The following MYH11 variants were observed in gnomAD, a reference collection of about 807,000 sequenced individuals.
MYH11 encodes myosin-11.
A neutral mutation model predicts 246.6 loss-of-function variants in MYH11; 80 were observed. The observed-to-expected ratio is 0.32, with a 90% confidence interval of 0.27 to 0.39. The LOEUF is 0.39. Among genes scored for constraint, MYH11 ranks in the 10% least tolerant of loss-of-function variants. The pLI is 1.00. For synonymous variants in MYH11, 1,071 were observed against 1,015.5 expected (o/e 1.05, Z -1.04); for missense variants, 2,158 against 2,546.8 (o/e 0.85, Z 3.29).
intron 28 of MYH11, chr16:15,726,292 A>G (rs796280897): frequency 1.9e-5 from 3 of 156,592 alleles, no homozygotes; most frequent in African/African-American, 7.2e-5. Flanking sequence ...GTTGGATCTC[A>G]GGATTAAGCA....
intron 40 of MYH11, among the ~76,000 whole-genome samples, chr16:15,704,822 AT>A (rs1477384727): frequency 2.6e-5 from 4 of 152,216 alleles, no homozygotes; most frequent in Admixed American, 1.3e-4. Context: ...AGAAAAGGAA[AT>A]TATACGTGTT....
At chr16:15,820,131 C>A (rs1226861850) in intron 3 of MYH11, among the ~76,000 whole-genome samples, 1 of 152,094 alleles carries the variant, frequency 6.6e-6, no homozygotes, top group Non-Finnish European at 1.5e-5. Context: ...TCACCTGAGG[C>A]CAGGAGTTCA....
In MYH11 at chr16:15,747,580, A is replaced by G. The variant is rs1596772772; in HGVS notation, c.2401T>C (p.Leu801=). 12 of 1,614,136 alleles carry G rather than the reference A, an allele frequency of 7.4e-6. No homozygotes were observed. Among genetic ancestry groups the G allele is most frequent in the African/African-American group, 2.7e-5 (2 of 75,026 alleles). The part of the protein sequence containing the change: ...MAFQAMCRGY[L]ARKAFAKRQQ... ...GGAAAGCATCTTTACTTTCTGGCCA[A>G]GTAGCCACGACACATCGCCTGGAAG... Residue 801 remains leucine (L), a synonymous_variant, in exon 19 of 41, where the codon TTG becomes CTG. Coordinates refer to ENST00000300036, the MANE Select transcript of MYH11 (RefSeq NM_002474.3).
chr16:15,714,806 G>T, intron 40 of MYH11, 103 bp downstream of exon 40: 1 of 1,386,382 alleles, frequency 7.2e-7, no homozygotes, highest in Non-Finnish European at 1.0e-6. Context: ...AGGGAGTGGC[G>T]GCTGTGGGCA....
At position 15,737,470 on chromosome 16, in the gene MYH11, T is replaced by A. The variant is rs1375253334; in HGVS notation, c.3272A>T (p.Glu1091Val). The A allele has an allele frequency of 1.2e-6, 2 of 1,613,266 alleles. No homozygotes were observed. The highest frequency in any genetic ancestry group is 2.2e-5 in the East Asian group (1 of 44,876). ...LKMQLAKKEE[E>V]LQAALARLDD... ...CTACCTGGCCAGGGCCGCCTGCAGC[T>A]CCTCCTCCTTCTTGGCCAGCTGCAT... The change falls in exon 25 of 41, where the codon GAG becomes GTG. Residue 1091 changes from glutamate (E) to valine (V), a missense_variant. This residue lies in a region of MYH11 where 284 missense variants were observed against 315.4 expected (regional missense o/e 0.90). Transcript: ENST00000300036.
chr16:15,724,542 T>C, intron 30 of MYH11, 105 bp downstream of exon 30: 1 of 1,605,620 alleles, frequency 6.2e-7, no homozygotes, highest in Non-Finnish European at 8.5e-7. Context: ...AGCTGGGGGG[T>C]CAAGCACCAT....
intron 3 of MYH11, among the ~76,000 whole-genome samples, chr16:15,813,487 G>T (rs1048097002): frequency 6.7e-6 from 1 of 149,892 alleles, no homozygotes; most frequent in African/African-American, 2.5e-5. Context: ...CCACCTTGTA[G>T]GTTTGTGGTA....
intron 31 of MYH11, 124 bp from the exon 32 acceptor site, chr16:15,721,758 G>T: frequency 1.0e-6 from 1 of 957,734 alleles, no homozygotes; most frequent in Non-Finnish European, 1.6e-6. Flanking sequence ...AGCAGTGTAG[G>T]TTAGCTATGG....
At chr16:15,838,399 T>C (rs374007739) in intron 1 of MYH11, 130 bp from the exon 2 acceptor site, 2 of 742,936 alleles carry the variant, frequency 2.7e-6, no homozygotes, top group Admixed American at 4.1e-5. Flanking sequence ...ACCTGCAGTA[T>C]TGTGTATGTG....
Position 15,740,161 on chromosome 16 carries a change from C to T in MYH11, c.2887G>A (p.Glu963Lys). 6.2e-7 allele frequency: 1 copy of T among 1,614,180 alleles called. No individual in the cohort carries two copies. Among genetic ancestry groups the T allele is most frequent in the Non-Finnish European group, 8.5e-7 (1 of 1,180,026 alleles). Residue 963 changes from glutamate (E) to lysine (K), a missense_variant, in exon 23 of 41, where the codon GAA becomes AAA. Around this residue, in one of 11 missense-constraint regions of MYH11, gnomAD observed 284 missense variants for 315.4 expected, o/e 0.90. Transcript: ENST00000300036. ...AGTTGCAGCTTCTGCCTGGCAGCTT[C>T]CTCCTCCTCCAGCTGTTCTTCAAGG... ...LDLEEQLEEEEAARQKLQLEK... is the reference protein window; with the variant it reads ...LDLEEQLEEEKAARQKLQLEK...
chr16:15,764,119 A>G (rs2041929730), intron 9 of MYH11, among the ~76,000 whole-genome samples: 2 of 152,216 alleles, frequency 1.3e-5, no homozygotes, highest in African/African-American at 2.4e-5. Flanking sequence ...AATCTGGCCC[A>G]CTGCTTGCTA....
intron 9 of MYH11, among the ~76,000 whole-genome samples, chr16:15,765,874 TAA>T (rs1018766454): frequency 1.1e-4 from 16 of 152,194 alleles, no homozygotes; most frequent in Admixed American, 5.2e-4. Context: ...CTCACAGTTT[TAA>T]AAGTGTCAAT....
At chr16:15,820,830 T>A (rs1184659468) in intron 3 of MYH11, among the ~76,000 whole-genome samples, 3 of 152,204 alleles carry the variant, frequency 2.0e-5, no homozygotes, top group Admixed American at 2.0e-4. Context: ...TCTTATTACA[T>A]GTAAGCTGAA....
chr16:15,726,240 G>A (rs2040750448), intron 28 of MYH11: 2 of 154,464 alleles, frequency 1.3e-5, no homozygotes, highest in African/African-American at 4.8e-5. Context: ...TTACTCGGCT[G>A]GAGTCCTACT....
chr16:15,751,994 G>A (rs187176167), intron 15 of MYH11, among the ~76,000 whole-genome samples: 12 of 151,926 alleles, frequency 7.9e-5, no homozygotes, highest in East Asian at 1.9e-4. Flanking sequence ...GTTTCGCCAC[G>A]TTGGCCAGAC....
At chr16:15,797,959 C>T (rs1046410191) in intron 4 of MYH11, among the ~76,000 whole-genome samples, 1 of 152,134 alleles carries the variant, frequency 6.6e-6, no homozygotes, top group Non-Finnish European at 1.5e-5. Context: ...ATGTCCCCAG[C>T]ATAGTGCTCA....
At chr16:15,715,409 G>A in intron 38 of MYH11, 137 bp from the exon 39 acceptor site, 1 of 773,268 alleles carries the variant, frequency 1.3e-6, no homozygotes, top group Non-Finnish European at 2.3e-6. Flanking sequence ...GTCAGATGGT[G>A]GAATAGTATT....
intron 38 of MYH11, among the ~76,000 whole-genome samples, chr16:15,716,032 C>T (rs541300897): frequency 2.0e-5 from 3 of 152,104 alleles, no homozygotes; most frequent in South Asian, 2.1e-4. Context: ...GAGGGTGAGG[C>T]GGAGGTTGCA....
intron 40 of MYH11, among the ~76,000 whole-genome samples, chr16:15,705,720 A>G (rs1364049917): frequency 2.0e-5 from 3 of 152,020 alleles, no homozygotes; most frequent in Non-Finnish European, 2.9e-5. Flanking sequence ...GGTGGCTCAC[A>G]CCTGTAATCT....
Sources: allele counts gnomAD v4.1 joint callset (sites outside exome capture counted in the v4.1 genomes callset), GRCh38; gene constraint gnomAD v4.1.1; regional missense constraint gnomAD v4.1.1; transcripts MANE v1.5; gene names NCBI Gene and HGNC (gene_info 2026-07-23, HGNC 2026-07-21).